The following NEGR1 variants were observed in gnomAD, a reference collection of about 807,000 sequenced individuals.
NEGR1 encodes the protein IgLON family member 4.
In NEGR1, 10 loss-of-function variants were observed where a neutral mutation model predicts 40.9. The observed-to-expected ratio is 0.24, with a 90% CI of 0.15 to 0.42. The LOEUF (loss-of-function observed/expected upper bound fraction) is 0.42, where lower values mean the gene tolerates loss of function less well. Ranked by LOEUF, NEGR1 falls within the 10% of genes least tolerant of loss-of-function variation. NEGR1 has a pLI of 1.00. For synonymous variants in NEGR1, 185 were observed against 166.8 expected, an observed-to-expected ratio of 1.11 and a Z score of -0.84; for missense variants, 352 against 438.9, an observed-to-expected ratio of 0.80 and a Z score of 1.77.
chr1:71,810,489 A>G (rs1335481864), intron 2 of NEGR1, among the ~76,000 whole-genome samples: 1 of 152,158 alleles, frequency 6.6e-6, no homozygotes. Context: ...CAAATATACA[A>G]TATGGAAACA....
chr1:71,835,471 G>A (rs142368773), intron 2 of NEGR1, among the ~76,000 whole-genome samples: 2 of 152,172 alleles, frequency 1.3e-5, no homozygotes, highest in African/African-American at 4.8e-5. Flanking sequence ...TTACTGTCCT[G>A]CAACCTCTCT....
chr1:71,530,442 C>G (rs1647317530), intron 6 of NEGR1, among the ~76,000 whole-genome samples: 1 of 151,166 alleles, frequency 6.6e-6, no homozygotes. Flanking sequence ...ATCATTTATA[C>G]CGCTCTTTCA....
chr1:71,708,244 T>C (rs2101639926), intron 3 of NEGR1, among the ~76,000 whole-genome samples: 1 of 151,646 alleles, frequency 6.6e-6, no homozygotes, highest in Non-Finnish European at 1.5e-5. Flanking sequence ...TTGAGAAAAC[T>C]CAAATAAATT....
chr1:71,568,949 G>T (rs1267224846), intron 6 of NEGR1, among the ~76,000 whole-genome samples: 3 of 146,584 alleles, frequency 2.0e-5, no homozygotes, highest in African/African-American at 7.6e-5. Context: ...ACGGAGTCTC[G>T]CTTCATCGCC....
intron 6 of NEGR1, among the ~76,000 whole-genome samples, chr1:71,539,734 T>A (rs1481180299): frequency 6.6e-6 from 1 of 151,752 alleles, no homozygotes; most frequent in Non-Finnish European, 1.5e-5. Flanking sequence ...AATATTGCCA[T>A]ACTTAATAGG....
chr1:71,670,336 G>C (rs187215520), intron 4 of NEGR1, among the ~76,000 whole-genome samples: 2 of 152,158 alleles, frequency 1.3e-5, no homozygotes, highest in African/African-American at 4.8e-5. Context: ...AAGATATTGT[G>C]TGTGTGTTTG....
chr1:71,812,951 T>C (rs1399457697), intron 2 of NEGR1, among the ~76,000 whole-genome samples: 2 of 152,124 alleles, frequency 1.3e-5, no homozygotes, highest in Non-Finnish European at 2.9e-5. Flanking sequence ...ATCCAATGCG[T>C]CAATTTTTGC....
At chr1:71,994,159 G>T (rs994083121) in intron 1 of NEGR1, among the ~76,000 whole-genome samples, 50 of 152,172 alleles carry the variant, frequency 3.3e-4, no homozygotes, top group Non-Finnish European at 3.5e-4. Flanking sequence ...CTTCTGATTT[G>T]CTATTGTGGA....
At chr1:71,937,819 A>T (rs888299383) in intron 1 of NEGR1, among the ~76,000 whole-genome samples, 6 of 152,236 alleles carry the variant, frequency 3.9e-5, no homozygotes, top group Admixed American at 1.3e-4. Flanking sequence ...ATGTTTTACC[A>T]TGAAAGTCTG....
chr1:71,746,876 T>C (rs1655404432), intron 3 of NEGR1, among the ~76,000 whole-genome samples: 1 of 152,198 alleles, frequency 6.6e-6, no homozygotes, highest in Non-Finnish European at 1.5e-5. Flanking sequence ...AAATTCCCTC[T>C]CTCAAATGCC....
intron 3 of NEGR1, among the ~76,000 whole-genome samples, chr1:71,734,687 C>T (rs1395606371): frequency 6.6e-6 from 1 of 152,054 alleles, no homozygotes; most frequent in African/African-American, 2.4e-5. Flanking sequence ...TCCCTCATTC[C>T]TCCCAAATGA....
At chr1:71,959,359 C>T (rs538798835) in intron 1 of NEGR1, among the ~76,000 whole-genome samples, 1 of 152,292 alleles carries the variant, frequency 6.6e-6, no homozygotes, top group Admixed American at 6.5e-5. Context: ...TACCAATATC[C>T]ACCCAGTTAA....
chr1:72,203,181 ATT>A (rs1172899351), intron 1 of NEGR1, among the ~76,000 whole-genome samples: 1 of 152,122 alleles, frequency 6.6e-6, no homozygotes, highest in Non-Finnish European at 1.5e-5. Context: ...ATAGACAGTG[ATT>A]CCACTGATGG....
At chr1:71,874,965 C>T (rs1437055971) in intron 2 of NEGR1, among the ~76,000 whole-genome samples, 1 of 152,028 alleles carries the variant, frequency 6.6e-6, no homozygotes, top group Non-Finnish European at 1.5e-5. Context: ...CTCCCTCAGC[C>T]TCCTGAGTAG....
intron 3 of NEGR1, among the ~76,000 whole-genome samples, chr1:71,775,136 T>C (rs1656457295): frequency 1.3e-5 from 2 of 152,182 alleles, no homozygotes; most frequent in African/African-American, 2.4e-5. Flanking sequence ...CTGATTACTT[T>C]AGCGGTTCAT....
intron 3 of NEGR1, among the ~76,000 whole-genome samples, chr1:71,710,391 A>C (rs1346473697): frequency 6.6e-6 from 1 of 152,224 alleles, no homozygotes; most frequent in East Asian, 1.9e-4. Context: ...CACAAAAGAA[A>C]GAAAATCAGT....
intron 5 of NEGR1, among the ~76,000 whole-genome samples, chr1:71,601,358 A>G (rs549977651): frequency 2.0e-4 from 31 of 152,372 alleles, no homozygotes; most frequent in African/African-American, 7.2e-4. Context: ...GTATGCTTGT[A>G]CATGACTGGT....
chr1:72,216,505 AATT>A (rs544825435), intron 1 of NEGR1, among the ~76,000 whole-genome samples: 270 of 150,144 alleles, frequency 1.8e-3, no homozygotes, highest in Non-Finnish European at 3.3e-3. Context: ...TTAAAGATGT[AATT>A]ATTATTTCCA....
At position 71,403,761 on chromosome 1, in the gene NEGR1, T is replaced by G; in HGVS notation, c.*3685A>C. ...TTTAATTGATAAACTGAGTTTATAT[T>G]CACCTATTGGAAACAGTACAACATA... On this transcript the variant is annotated 3_prime_UTR_variant, in exon 7 of 7. Transcript: ENST00000357731. The G allele has an allele frequency of 2.7e-6, 1 of 365,748 alleles. No homozygotes were observed. The highest frequency in any genetic ancestry group is 4.9e-6 in the Non-Finnish European group (1 of 202,556). The allele number at this position is 365,748 out of a possible 1,614,324, so 22.7% of individuals were successfully genotyped here.
Sources: gnomAD v4.1 joint callset for allele counts (sites outside exome capture counted in the v4.1 genomes callset) on GRCh38, gnomAD v4.1.1 for gene constraint, MANE v1.5 for transcripts, NCBI Gene and HGNC (gene_info 2026-07-23, HGNC 2026-07-21) for gene names.